The following HCN1 variants were observed in gnomAD, a reference collection of about 807,000 sequenced individuals.
HCN1 encodes potassium/sodium hyperpolarization-activated cyclic nucleotide-gated channel 1.
HCN1 carries 13 observed loss-of-function variants against 78.9 expected under a neutral mutation model. The observed-to-expected ratio is 0.16, with a 90% CI of 0.11 to 0.26. The LOEUF (loss-of-function observed/expected upper bound fraction) is 0.26, where lower values mean the gene tolerates loss of function less well. HCN1 is among the 10% of genes least tolerant of loss of function. HCN1 has a pLI of 1.00. For synonymous variants in HCN1, 552 were observed against 455.5 expected (o/e 1.21, Z -2.70); for missense variants, 810 against 1,154.3 (o/e 0.70, Z 4.32).
chr5:45,389,543 CTA>C (rs1747998196), intron 4 of HCN1, among the ~76,000 whole-genome samples: 1 of 152,176 alleles, frequency 6.6e-6, no homozygotes, highest in South Asian at 2.1e-4. Flanking sequence ...TACTTGCTCA[CTA>C]TGTGCCTAGC....
intron 2 of HCN1, among the ~76,000 whole-genome samples, chr5:45,568,091 T>A (rs1743746109): frequency 6.6e-6 from 1 of 152,106 alleles, no homozygotes; most frequent in South Asian, 2.1e-4. Flanking sequence ...GGATTTTTGT[T>A]TTGTTTTTGT....
At chr5:45,337,887 T>C (rs1746496787) in intron 5 of HCN1, among the ~76,000 whole-genome samples, 1 of 152,068 alleles carries the variant, frequency 6.6e-6, no homozygotes, top group Non-Finnish European at 1.5e-5. Flanking sequence ...AATTTGTCTC[T>C]AACACACAAA....
chr5:45,376,664 CG>C (rs1443479304), intron 4 of HCN1, among the ~76,000 whole-genome samples: 1 of 151,728 alleles, frequency 6.6e-6, no homozygotes, highest in Non-Finnish European at 1.5e-5. Context: ...GCAGGGCAGA[CG>C]TGATTATGTT....
intron 3 of HCN1, among the ~76,000 whole-genome samples, chr5:45,447,263 C>G (rs1274222764): frequency 6.6e-6 from 1 of 152,076 alleles, no homozygotes; most frequent in Non-Finnish European, 1.5e-5. Flanking sequence ...TTTTTGAGAC[C>G]AGGTGCGGCT....
At chr5:45,361,730 C>T (rs185103565) in intron 4 of HCN1, among the ~76,000 whole-genome samples, 1 of 152,206 alleles carries the variant, frequency 6.6e-6, no homozygotes, top group African/African-American at 2.4e-5. Flanking sequence ...ATGCAGGATT[C>T]AAAAGAACTT....
At chr5:45,483,610 A>G (rs1323244814) in intron 2 of HCN1, among the ~76,000 whole-genome samples, 1 of 151,990 alleles carries the variant, frequency 6.6e-6, no homozygotes, top group Non-Finnish European at 1.5e-5. Context: ...GTTGTTCAGA[A>G]GCTCTTTAGT....
intron 2 of HCN1, among the ~76,000 whole-genome samples, chr5:45,537,893 A>T (rs1030498775): frequency 6.6e-6 from 1 of 152,098 alleles, no homozygotes; most frequent in African/African-American, 2.4e-5. Context: ...AAAAGATAGT[A>T]CTGACTTTGT....
intron 2 of HCN1, among the ~76,000 whole-genome samples, chr5:45,629,886 G>A (rs1165934230): frequency 1.3e-5 from 2 of 152,080 alleles, no homozygotes; most frequent in East Asian, 1.9e-4. Flanking sequence ...TAAATCTAAT[G>A]TTTTGAAACC....
At chr5:45,438,192 G>C (rs980219418) in intron 3 of HCN1, among the ~76,000 whole-genome samples, 2 of 152,150 alleles carry the variant, frequency 1.3e-5, no homozygotes, top group African/African-American at 2.4e-5. Flanking sequence ...AAATGAAAAA[G>C]CAACATGTTA....
chr5:45,288,308 T>C (rs1745307373), intron 6 of HCN1, among the ~76,000 whole-genome samples: 1 of 152,042 alleles, frequency 6.6e-6, no homozygotes, highest in South Asian at 2.1e-4. Context: ...ACACTCACAG[T>C]GATAATACTA....
At chr5:45,498,080 C>T (rs931008196) in intron 2 of HCN1, among the ~76,000 whole-genome samples, 11 of 152,180 alleles carry the variant, frequency 7.2e-5, no homozygotes, top group African/African-American at 2.4e-4. Context: ...TTGCTCTTCT[C>T]GAGGAGTATC....
intron 7 of HCN1, among the ~76,000 whole-genome samples, chr5:45,264,206 C>G (rs1744809012): frequency 6.6e-6 from 1 of 152,190 alleles, no homozygotes; most frequent in African/African-American, 2.4e-5. Context: ...TCTCAGCTCC[C>G]TCTAAGACCT....
intron 6 of HCN1, among the ~76,000 whole-genome samples, chr5:45,287,226 A>G (rs908471589): frequency 2.6e-5 from 4 of 151,914 alleles, no homozygotes; most frequent in Non-Finnish European, 4.4e-5. Flanking sequence ...TTACTGTAGG[A>G]AGAGCGGTTA....
chr5:45,389,353 T>C (rs886863400), intron 4 of HCN1, among the ~76,000 whole-genome samples: 1 of 152,126 alleles, frequency 6.6e-6, no homozygotes, highest in Admixed American at 6.6e-5. Flanking sequence ...CCTACAGTAT[T>C]CCATATGAAT....
intron 5 of HCN1, among the ~76,000 whole-genome samples, chr5:45,349,218 C>T (rs1040638036): frequency 6.6e-6 from 1 of 152,190 alleles, no homozygotes; most frequent in Admixed American, 6.5e-5. Flanking sequence ...GATTAAGAAA[C>T]TCACTCAAAG....
intron 5 of HCN1, among the ~76,000 whole-genome samples, chr5:45,339,291 T>A (rs1746526815): frequency 2.0e-5 from 3 of 152,108 alleles, no homozygotes; most frequent in Non-Finnish European, 4.4e-5. Context: ...ATAAATGCTG[T>A]GAGAGAGACA....
intron 5 of HCN1, among the ~76,000 whole-genome samples, chr5:45,326,461 A>C (rs1746235557): frequency 6.6e-6 from 1 of 151,594 alleles, no homozygotes; most frequent in Admixed American, 6.6e-5. Flanking sequence ...AAAATGTTTC[A>C]TCTTATGTTA....
At chr5:45,550,039 C>G (rs1426529177) in intron 2 of HCN1, among the ~76,000 whole-genome samples, 2 of 152,118 alleles carry the variant, frequency 1.3e-5, no homozygotes, top group Non-Finnish European at 2.9e-5. Context: ...AACACTTTTA[C>G]ACTGTTGGTG....
chr5:45,300,425 G>A (rs528100384), intron 6 of HCN1, among the ~76,000 whole-genome samples: 1 of 151,930 alleles, frequency 6.6e-6, no homozygotes, highest in African/African-American at 2.4e-5. Context: ...AAATGATGAG[G>A]ATGAAGACCT....
Sources: gnomAD v4.1 joint callset for allele counts (sites outside exome capture counted in the v4.1 genomes callset) on GRCh38, gnomAD v4.1.1 for gene constraint, MANE v1.5 for transcripts, NCBI Gene and HGNC (gene_info 2026-07-23, HGNC 2026-07-21) for gene names.